The following ANKRD44 variants were observed in gnomAD, a reference collection of about 807,000 sequenced individuals.
The protein encoded by ANKRD44 is serine/threonine-protein phosphatase 6 regulatory ankyrin repeat subunit B.
A neutral mutation model predicts 116.0 loss-of-function variants in ANKRD44; 35 were observed. That is an observed-to-expected ratio of 0.30 (90% CI 0.23 to 0.40). The LOEUF (loss-of-function observed/expected upper bound fraction) is 0.40, where lower values mean the gene tolerates loss of function less well. Ranked by LOEUF, ANKRD44 falls within the 10% of genes least tolerant of loss-of-function variation. The pLI is 1.00. For synonymous variants in ANKRD44, 435 were observed against 461.8 expected (o/e 0.94, Z 0.74); for missense variants, 1,014 against 1,242.6 (o/e 0.82, Z 2.77).
At chr2:197,242,660 T>C (rs1289330517) in intron 1 of ANKRD44, among the ~76,000 whole-genome samples, 1 of 152,222 alleles carries the variant, frequency 6.6e-6, no homozygotes, top group Non-Finnish European at 1.5e-5. Context: ...AATGCTGGAA[T>C]GGTCCCCGTC....
Position 197,125,437 on chromosome 2 carries a change from T to C in ANKRD44, c.494A>G (p.Asn165Ser). 7.4e-6 allele frequency: 12 copies of C among 1,614,042 alleles called. No individual in the cohort carries two copies. Among genetic ancestry groups the C allele is most frequent in the Non-Finnish European group, 1.0e-5 (12 of 1,180,040 alleles). The change falls in exon 6 of 28, where the codon AAT becomes AGT. Residue 165 changes from asparagine (N) to serine (S), a missense_variant. Transcript: ENST00000282272. ...GTCCTTCTTGTCAAATGCATTGATA[T>C]TTGCCCCTTTGGCCAAGAGTAAATT... is the stretch of plus-strand genomic sequence containing the variant. Reference protein sequence around the residue: ...MVNLLLAKGANINAFDKKDRR... With the variant: ...MVNLLLAKGASINAFDKKDRR...
At chr2:197,009,079 A>C (rs750758959) in intron 18 of ANKRD44, 48 bp from the exon 19 acceptor site, 5 of 1,479,370 alleles carry the variant, frequency 3.4e-6, no homozygotes, top group Non-Finnish European at 4.7e-6. Flanking sequence ...AACACTACAC[A>C]TATCTCTTCC....
chr2:197,207,433 T>C (rs1030605778), intron 1 of ANKRD44, among the ~76,000 whole-genome samples: 3 of 152,232 alleles, frequency 2.0e-5, no homozygotes, highest in African/African-American at 7.2e-5. Flanking sequence ...GCTTCTCTTT[T>C]AGAGGTGATT....
intron 16 of ANKRD44, among the ~76,000 whole-genome samples, chr2:197,045,163 T>C (rs900963849): frequency 6.6e-6 from 1 of 152,108 alleles, no homozygotes; most frequent in African/African-American, 2.4e-5. Flanking sequence ...CCTATGATAC[T>C]TTCATGGCTG....
At chr2:197,030,987 T>C (rs1304995030) in intron 16 of ANKRD44, among the ~76,000 whole-genome samples, 1 of 152,140 alleles carries the variant, frequency 6.6e-6, no homozygotes. Context: ...ATAATATTAA[T>C]ACAAGTTTGT....
chr2:197,051,708 T>C (rs1369145958), intron 16 of ANKRD44, among the ~76,000 whole-genome samples: 1 of 152,228 alleles, frequency 6.6e-6, no homozygotes, highest in Non-Finnish European at 1.5e-5. Flanking sequence ...CTTTATCTTA[T>C]TGTCACCACT....
chr2:197,058,391 G>A (rs942602628), intron 16 of ANKRD44, among the ~76,000 whole-genome samples: 17 of 114,246 alleles, frequency 1.5e-4, no homozygotes, highest in Non-Finnish European at 1.9e-5. Context: ...CATTTAGGCT[G>A]TGAATCTTTT....
intron 1 of ANKRD44, among the ~76,000 whole-genome samples, chr2:197,233,137 C>A (rs11891873): frequency 1.8e-4 from 28 of 152,212 alleles, no homozygotes; most frequent in African/African-American, 6.8e-4. Context: ...GAGAGCCTGG[C>A]TCCATCCAAT....
chr2:197,143,508 T>C (rs2079423295), intron 3 of ANKRD44, among the ~76,000 whole-genome samples: 2 of 152,056 alleles, frequency 1.3e-5, no homozygotes. Context: ...ATTTCATCCA[T>C]GTCCCTACAA....
chr2:196,998,386 G>C lies in ANKRD44; in HGVS notation c.2699C>G (p.Thr900Ser), dbSNP rs2076052437. The C allele has an allele frequency of 6.2e-7, 1 of 1,613,882 alleles. No individual in the cohort carries two copies. Among genetic ancestry groups the C allele is most frequent in the Non-Finnish European group, 8.5e-7 (1 of 1,179,920 alleles). The change falls in exon 25 of 28, where the codon ACT becomes AGT. Residue 900 changes from threonine to serine, a missense_variant. By Grantham distance (58) the Thr-to-Ser change is moderately conservative (BLOSUM62 1). Coordinates refer to ENST00000282272, the MANE Select transcript of ANKRD44 (RefSeq NM_001195144.2). ...TGTATTCAAGTCCTTATCCTTTACA[G>C]TCAGATCAGCCTGGGCACTGTTCAC... ...ILVNSAQADL[T>S]VKDKDLNTPL... is the part of the protein sequence containing the mutation.
At chr2:197,267,193 G>A (rs1436947455) in intron 1 of ANKRD44, among the ~76,000 whole-genome samples, 2 of 152,252 alleles carry the variant, frequency 1.3e-5, no homozygotes, top group East Asian at 1.9e-4. Context: ...AAATTATAAG[G>A]ACATTTTGCA....
At position 197,106,808 on chromosome 2, in the gene ANKRD44, T is replaced by TATATA. The variant is rs58104989; in HGVS notation, c.985+3957_985+3958insTATAT. On this transcript the variant is annotated intron_variant, in intron 9 of 27. Transcript: ENST00000282272. ...CCGTCTCAAATATATATATATATAT[T>TATATA]TTTTTTTTTTTTTCAGGAAAACATA... 4.0e-3 allele frequency among the ~76,000 whole-genome samples: 280 copies of TATATA among 70,600 alleles called. 1 individual carries two copies. The highest frequency in any genetic ancestry group is 9.0e-3 in the African/African-American group (221 of 24,436). 46.3% of individuals were successfully genotyped at this position (70,600 alleles called of 152,430 possible).
intron 16 of ANKRD44, among the ~76,000 whole-genome samples, chr2:197,074,883 G>A (rs777200613): frequency 6.6e-6 from 1 of 152,130 alleles, no homozygotes; most frequent in South Asian, 2.1e-4. Flanking sequence ...ACATTGAGTC[G>A]TTTATTTGAA....
chr2:197,013,433 G>A lies in ANKRD44; in HGVS notation c.1924+78C>T, dbSNP rs2076333293. On this transcript the variant is annotated intron_variant, in intron 18 of 27. Coordinates refer to ENST00000282272, the MANE Select transcript of ANKRD44 (RefSeq NM_001195144.2). ...TGATATTTAAAAAACTGGGATGAAA[G>A]AAGATGCTGCTTTCCTTCTATTAAA... is the stretch of plus-strand genomic sequence containing the variant. The A allele has an allele frequency of 2.1e-6, 3 of 1,451,510 alleles. No individual in the cohort carries two copies. The East Asian group carries it at 6.9e-5, about 33-fold the overall frequency. 89.9% of individuals were successfully genotyped at this position (1,451,510 alleles called of 1,614,324 possible). A position where few individuals can be genotyped will look rare whatever the true frequency, so the allele number is the denominator to read the frequency against.
intron 1 of ANKRD44, among the ~76,000 whole-genome samples, chr2:197,282,822 A>G (rs891345754): frequency 1.3e-5 from 2 of 152,048 alleles, no homozygotes; most frequent in African/African-American, 4.8e-5. Flanking sequence ...GGCCAGCATA[A>G]TGACATGTGC....
At chr2:197,155,953 C>G (rs934649485) in intron 2 of ANKRD44, among the ~76,000 whole-genome samples, 1 of 152,190 alleles carries the variant, frequency 6.6e-6, no homozygotes, top group African/African-American at 2.4e-5. Context: ...CAAAACAACT[C>G]TCAATAACTA....
intron 9 of ANKRD44, 55 bp from the exon 10 acceptor site, chr2:197,099,985 C>T: frequency 2.7e-6 from 4 of 1,495,750 alleles, no homozygotes; most frequent in Non-Finnish European, 3.7e-6. Flanking sequence ...GATTCAGGTC[C>T]TATGTTCTCT....
intron 20 of ANKRD44, among the ~76,000 whole-genome samples, chr2:197,006,291 A>G (rs1036034230): frequency 6.6e-6 from 1 of 151,996 alleles, no homozygotes; most frequent in Non-Finnish European, 1.5e-5. Context: ...AAAAAATACG[A>G]AAAATTAGCC....
At chr2:197,182,685 C>G (rs926364137) in intron 2 of ANKRD44, among the ~76,000 whole-genome samples, 3 of 149,980 alleles carry the variant, frequency 2.0e-5, no homozygotes, top group Non-Finnish European at 3.0e-5. Flanking sequence ...ATTCAAGTCC[C>G]TGAGTTGGGC....
Sources: allele counts gnomAD v4.1 joint callset (sites outside exome capture counted in the v4.1 genomes callset), GRCh38; gene constraint gnomAD v4.1.1; transcripts MANE v1.5; gene names NCBI Gene and HGNC (gene_info 2026-07-23, HGNC 2026-07-21).